The following ATPSCKMT variants were observed in gnomAD, a reference collection of about 807,000 sequenced individuals.
ATPSCKMT encodes the protein ATP synthase subunit C lysine N-methyltransferase.
ATPSCKMT carries 24 observed loss-of-function variants against 24.3 expected under a neutral mutation model. The observed-to-expected ratio is 0.99, with a 90% CI of 0.71 to 1.39. The LOEUF (loss-of-function observed/expected upper bound fraction) is 1.39. ATPSCKMT is among the 40% of genes most tolerant of loss of function. The probability of loss-of-function intolerance (pLI) is 0.00; values close to 1 mark genes in which losing one functional copy is unlikely to be tolerated. For missense variants in ATPSCKMT, 311 were observed against 298.4 expected (o/e 1.04, Z -0.31); for synonymous variants, 95 against 110.5 (o/e 0.86, Z 0.88).
chr5:10,248,358 A>C (rs149320361), intron 1 of ATPSCKMT: 1 of 152,236 alleles, frequency 6.6e-6, no homozygotes, highest in South Asian at 2.1e-4. Context: ...TCTATTTTTC[A>C]CAACAATCGA....
At chr5:10,240,151 A>G (rs769195185) in intron 1 of ATPSCKMT, among the ~76,000 whole-genome samples, 56 of 151,730 alleles carry the variant, frequency 3.7e-4, no homozygotes, top group African/African-American at 1.0e-3. Flanking sequence ...GGAGAATGGC[A>G]TGAACCCGGG....
intron 1 of ATPSCKMT, 58 bp downstream of exon 1, chr5:10,249,800 G>T (rs543033167): frequency 6.0e-6 from 5 of 833,690 alleles, no homozygotes; most frequent in Non-Finnish European, 8.9e-6. Flanking sequence ...GCGAGCCCCC[G>T]GCCCGCCCGC....
chr5:10,227,697 T>TTTTGG, intron 4 of ATPSCKMT, 50 bp from the exon 5 acceptor site: 1 of 1,546,378 alleles, frequency 6.5e-7, no homozygotes, highest in Non-Finnish European at 8.8e-7. Context: ...TCAGAGGAAA[T>TTTTGG]GATCCCAAAA....
At chr5:10,228,452 GTTT>G (rs979697729) in intron 4 of ATPSCKMT, among the ~76,000 whole-genome samples, 7 of 152,084 alleles carry the variant, frequency 4.6e-5, no homozygotes, top group Non-Finnish European at 8.8e-5. Flanking sequence ...CCAATAAAGA[GTTT>G]TTATTATTTG....
rs1315532396 is a variant in ATPSCKMT at position 10,242,696 on chromosome 5, T to C, written c.17-3340A>G. ...CCCAGATCCATCAGTGTAATCACTA[T>C]CTATTGCATCTCTAGCCTTACGAAA... On this transcript the variant is annotated intron_variant, in intron 1 of 4. Transcript: ENST00000511437. 2.6e-5 allele frequency among the ~76,000 whole-genome samples: 4 copies of C among 152,228 alleles called. No individual in the cohort carries two copies. The East Asian group carries it at 7.7e-4, about 29-fold the overall frequency.
intron 3 of ATPSCKMT, among the ~76,000 whole-genome samples, chr5:10,235,565 C>T (rs559751383): frequency 1.3e-5 from 2 of 152,310 alleles, no homozygotes; most frequent in African/African-American, 2.4e-5. Context: ...CAGCTAGTGA[C>T]CACACTGTGA....
At chr5:10,242,177 C>G (rs73048278) in intron 1 of ATPSCKMT, among the ~76,000 whole-genome samples, 33,465 of 152,056 alleles carry the variant, frequency 0.22, 3,963 homozygotes, top group Middle Eastern at 0.3. Context: ...TAGACTCTTC[C>G]CTTCATGAAA....
In ATPSCKMT at chr5:10,236,984, TG is replaced by T. The variant is rs1561029631; in HGVS notation, c.307-370del. 5 of 1,311,540 alleles carry T rather than the reference TG, an allele frequency of 3.8e-6. No individual in the cohort carries two copies. The East Asian group carries it at 2.1e-4, about 54-fold the overall frequency. The allele number at this position is 1,311,540 out of a possible 1,614,324, so 81.2% of individuals were successfully genotyped here. ...GTGGGCTAGCACAGCAGCAGTGAAA[TG>T]AAAGTGTCTGGGAGGATGGTTTTGT... On this transcript the variant is annotated intron_variant, in intron 2 of 4. Transcript: ENST00000511437.
intron 1 of ATPSCKMT, among the ~76,000 whole-genome samples, chr5:10,249,201 G>A (rs1216764317): frequency 6.6e-6 from 1 of 150,990 alleles, no homozygotes; most frequent in African/African-American, 2.4e-5. Context: ...CCCGGGAGGC[G>A]GAGGCTGCAG....
chr5:10,227,639 C>T lies in ATPSCKMT; in HGVS notation c.504G>A (p.Gln168=). The part of the protein sequence containing the change: ...VIFGVPQMML[Q]LEKKLERELE... ...GTTCACGTTCAAGTTTCTTCTCCAA[C>T]TGCAGCATCTGTGGAGAGTAACAGC... is the stretch of plus-strand genomic sequence containing the variant. The change falls in exon 5 of 5, where the codon CAG becomes CAA. Residue 168 remains glutamine, a synonymous_variant. Coordinates refer to ENST00000511437, the MANE Select transcript of ATPSCKMT (RefSeq NM_199133.4). 1 of 1,614,160 alleles carries T rather than the reference C, an allele frequency of 6.2e-7. No homozygotes were observed. The highest frequency in any genetic ancestry group is 8.5e-7 in the Non-Finnish European group (1 of 1,179,988).
At chr5:10,231,983 G>C (rs1744158837) in intron 4 of ATPSCKMT, among the ~76,000 whole-genome samples, 1 of 152,214 alleles carries the variant, frequency 6.6e-6, no homozygotes, top group African/African-American at 2.4e-5. Context: ...CCGGAGGACT[G>C]CTTGAGCCCA....
intron 1 of ATPSCKMT, among the ~76,000 whole-genome samples, chr5:10,243,409 G>A (rs752858779): frequency 1.1e-4 from 17 of 152,150 alleles, no homozygotes; most frequent in Admixed American, 6.5e-4. Flanking sequence ...ATTTGAACCC[G>A]GGAGGCAGAG....
At chr5:10,232,450 A>G (rs1400325840) in intron 4 of ATPSCKMT, among the ~76,000 whole-genome samples, 1 of 152,220 alleles carries the variant, frequency 6.6e-6, no homozygotes, top group Non-Finnish European at 1.5e-5. Flanking sequence ...GCACACAGCT[A>G]GCAGTGTCGA....
intron 1 of ATPSCKMT, among the ~76,000 whole-genome samples, chr5:10,244,700 C>A (rs1367206341): frequency 1.3e-5 from 2 of 151,912 alleles, no homozygotes; most frequent in African/African-American, 4.8e-5. Context: ...TTGCTTGAAG[C>A]CAGGAGTTCA....
intron 2 of ATPSCKMT, chr5:10,236,989 G>A (rs536200196): frequency 7.6e-7 from 1 of 1,309,952 alleles, no homozygotes; most frequent in East Asian, 5.2e-5. Flanking sequence ...TGAAATGAAA[G>A]TGTCTGGGAG....
intron 2 of ATPSCKMT, 74 bp downstream of exon 2, chr5:10,238,993 G>T: frequency 6.6e-7 from 1 of 1,512,162 alleles, no homozygotes; most frequent in Non-Finnish European, 8.9e-7. Context: ...AAGTCTTTGT[G>T]TAAGCCTTAC....
chr5:10,229,505 A>T (rs889907436), intron 4 of ATPSCKMT, among the ~76,000 whole-genome samples: 13 of 152,138 alleles, frequency 8.5e-5, no homozygotes, highest in African/African-American at 3.1e-4. Context: ...CGGTGTCTCC[A>T]TTGTGCAGTT....
chr5:10,235,576 C>T (rs1377875649), intron 3 of ATPSCKMT, among the ~76,000 whole-genome samples: 1 of 152,224 alleles, frequency 6.6e-6, no homozygotes, highest in Admixed American at 6.5e-5. Flanking sequence ...CACACTGTGA[C>T]CCCACTGTGA....
Position 10,239,276 on chromosome 5 carries a change from T to C in ATPSCKMT, c.97A>G (p.Lys33Glu). 6.2e-7 allele frequency: 1 copy of C among 1,614,268 alleles called. No homozygotes were observed. The highest frequency in any genetic ancestry group is 2.2e-5 in the East Asian group (1 of 44,892). ...PASFEVNSLQ[K>E]SNWGFLLTGL... is the part of the protein sequence containing the mutation. ...GTAAGTAAGAACCCCCAGTTGCTTT[T>C]CTGCAAACTGTTGACTTCAAAACTT... The change falls in exon 2 of 5, where the codon AAA becomes GAA. Residue 33 changes from lysine (K) to glutamate (E), a missense_variant. Physicochemically the swap from Lys to Glu is moderately conservative, Grantham distance 56. Coordinates refer to ENST00000511437, the MANE Select transcript of ATPSCKMT (RefSeq NM_199133.4).
Sources: allele counts gnomAD v4.1 joint callset (sites outside exome capture counted in the v4.1 genomes callset), GRCh38; gene constraint gnomAD v4.1.1; transcripts MANE v1.5; gene names NCBI Gene and HGNC (gene_info 2026-07-23, HGNC 2026-07-21).